DNMBP: variants seen among roughly 807,000 people sequenced by gnomAD.
DNMBP encodes dynamin binding protein.
In DNMBP, 87 loss-of-function variants were observed where a neutral mutation model predicts 150.0. The observed-to-expected ratio is 0.58, with a 90% CI of 0.49 to 0.69. The LOEUF is 0.69. DNMBP is among the 30% of genes least tolerant of loss of function. The probability of loss-of-function intolerance (pLI) is 0.00; values close to 1 mark genes in which losing one functional copy is unlikely to be tolerated. For synonymous variants in DNMBP, 711 were observed against 750.4 expected (o/e 0.95, Z 0.86); for missense variants, 1,774 against 1,949.0 (o/e 0.91, Z 1.69).
Position 99,955,629 on chromosome 10 carries a change from G to A in DNMBP, c.1845C>T (p.Pro615=). 2 of 1,614,110 alleles carry A rather than the reference G, an allele frequency of 1.2e-6. No homozygotes were observed. Among genetic ancestry groups the A allele is most frequent in the East Asian group, 2.2e-5 (1 of 44,904 alleles). The change falls in exon 4 of 17, where the codon CCC becomes CCT. Residue 615 remains proline, a synonymous_variant. Transcript: ENST00000324109. ...RKALRPPPPR[P]CTPVSTSPHL... is the part of the protein sequence containing the mutation. ...GGGGAGAAGTGGATACCGGAGTACA[G>A]GGACGAGGTGGCGGTGGCCTTAGGG...
chr10:99,878,732 C>T (rs1197377789), intron 16 of DNMBP, among the ~76,000 whole-genome samples: 1 of 152,154 alleles, frequency 6.6e-6, no homozygotes, highest in African/African-American at 2.4e-5. Flanking sequence ...TGACAGTCAA[C>T]ACAGGAAGAT....
chr10:99,989,192 C>T (rs902369115), intron 1 of DNMBP, among the ~76,000 whole-genome samples: 1 of 152,172 alleles, frequency 6.6e-6, no homozygotes, highest in Non-Finnish European at 1.5e-5. Context: ...CATATCCATA[C>T]CCTTTACTGT....
chr10:99,881,099 G>A (rs903126582), intron 15 of DNMBP, among the ~76,000 whole-genome samples: 3 of 152,104 alleles, frequency 2.0e-5, no homozygotes, highest in Middle Eastern at 3.4e-3. Flanking sequence ...GTGGTGGTGC[G>A]CACCTGTAAT....
intron 4 of DNMBP, among the ~76,000 whole-genome samples, chr10:99,947,389 A>G (rs1164563046): frequency 6.6e-6 from 1 of 152,214 alleles, no homozygotes; most frequent in Non-Finnish European, 1.5e-5. Flanking sequence ...CACAAAATAG[A>G]ATGAAATCAT....
intron 4 of DNMBP, among the ~76,000 whole-genome samples, chr10:99,926,817 G>A (rs1370425291): frequency 1.3e-5 from 2 of 152,174 alleles, no homozygotes; most frequent in Non-Finnish European, 2.9e-5. Context: ...CCAGCAGATA[G>A]ATCTTCACCA....
chr10:99,956,547 C>T lies in DNMBP; in HGVS notation c.927G>A (p.Met309Ile), dbSNP rs1589438056. 6.2e-7 allele frequency: 1 copy of T among 1,614,130 alleles called. No homozygotes were observed. The highest frequency in any genetic ancestry group is 2.2e-5 in the East Asian group (1 of 44,882). The change falls in exon 4 of 17, where the codon ATG becomes ATA. Residue 309 changes from methionine (M) to isoleucine (I), a missense_variant. Around this residue, in one of 2 missense-constraint regions of DNMBP, gnomAD observed 344 missense variants for 456.6 expected, o/e 0.75. Coordinates refer to ENST00000324109, the MANE Select transcript of DNMBP (RefSeq NM_015221.4). ...LCPDTRVEET[M>I]ALPQEGSLAR... ...CAAGGCTGCCTTCCTGGGGCAGAGC[C>T]ATGGTTTCCTCCACCCGTGTGTCAG...
At position 99,896,281 on chromosome 10, in the gene DNMBP, C is replaced by T. The variant is rs375098371; in HGVS notation, c.3037G>A (p.Gly1013Ser). 2 of 1,613,982 alleles carry T rather than the reference C, an allele frequency of 1.2e-6. No homozygotes were observed. Among genetic ancestry groups the T allele is most frequent in the Non-Finnish European group, 1.7e-6 (2 of 1,180,010 alleles). ...RVSSHLKHLT[G>S]FAPQIKDEVF... ...GGGGATCTCACCTGAGGAGCAAAGC[C>T]AGTGAGATGCTTCAGGTGACTGCTA... is the stretch of plus-strand genomic sequence containing the variant. The change falls in exon 10 of 17, where the codon GGC (glycine) becomes AGC (serine). Residue 1013 changes from glycine (G) to serine (S), a missense_variant. Gly to Ser is a moderately conservative substitution (Grantham distance 56). Around this residue, in one of 2 missense-constraint regions of DNMBP, gnomAD observed 1,430 missense variants for 1,492.5 expected, o/e 0.96. Transcript: ENST00000324109.
intron 4 of DNMBP, among the ~76,000 whole-genome samples, chr10:99,914,318 C>T (rs1272121267): frequency 6.6e-6 from 1 of 152,210 alleles, no homozygotes; most frequent in Non-Finnish European, 1.5e-5. Context: ...TCCTTTTCTA[C>T]CCCATGCTAA....
chr10:99,993,621 G>T (rs2040921105), intron 1 of DNMBP, among the ~76,000 whole-genome samples: 1 of 152,088 alleles, frequency 6.6e-6, no homozygotes, highest in Non-Finnish European at 1.5e-5. Flanking sequence ...GGGCAACATA[G>T]TGAGACTGTC....
chr10:99,989,421 A>G (rs1405207216), intron 1 of DNMBP, among the ~76,000 whole-genome samples: 1 of 152,190 alleles, frequency 6.6e-6, no homozygotes, highest in African/African-American at 2.4e-5. Context: ...AAGAAAAAAC[A>G]GACTTGAGGC....
chr10:99,936,161 T>C (rs913276384), intron 4 of DNMBP, among the ~76,000 whole-genome samples: 1 of 151,974 alleles, frequency 6.6e-6, no homozygotes, highest in Non-Finnish European at 1.5e-5. Context: ...TATAAAACAA[T>C]TGATGATAAA....
intron 1 of DNMBP, among the ~76,000 whole-genome samples, chr10:99,973,083 T>G (rs2040695493): frequency 2.2e-5 from 1 of 46,202 alleles, no homozygotes; most frequent in African/African-American, 1.5e-4. Context: ...CCTGCGGCAT[T>G]TATTTATTTA....
intron 1 of DNMBP, among the ~76,000 whole-genome samples, chr10:100,002,907 A>G (rs1345838690): frequency 6.6e-6 from 1 of 152,248 alleles, no homozygotes; most frequent in Non-Finnish European, 1.5e-5. Context: ...AACCTAAAAC[A>G]AACATTATAT....
Position 99,883,638 on chromosome 10 carries a change from C to CAAAAAA in DNMBP, c.3997+367_3997+372dup, listed in dbSNP as rs71009782. 8.8e-3 allele frequency among the ~76,000 whole-genome samples: 574 copies of CAAAAAA among 65,534 alleles called. 30 individuals are homozygous for CAAAAAA. The highest frequency in any genetic ancestry group is 0.021 in the East Asian group (23 of 1,076). The allele number at this position is 65,534 out of a possible 152,430, so 43.0% of individuals were successfully genotyped here. A position where few individuals can be genotyped will look rare whatever the true frequency, so the allele number is the denominator to read the frequency against. ...CCTGGATAACAGAGCAAGACTGCCA[C>CAAAAAA]AAAAAAAAAAAAAAAAAAAAAAAAA... On this transcript the variant is annotated intron_variant, in intron 15 of 16. Coordinates refer to ENST00000324109, the MANE Select transcript of DNMBP (RefSeq NM_015221.4).
At chr10:99,900,409 T>G (rs1005449004) in intron 6 of DNMBP, among the ~76,000 whole-genome samples, 19 of 151,518 alleles carry the variant, frequency 1.3e-4, no homozygotes, top group African/African-American at 3.4e-4. Context: ...GGACCACGTG[T>G]GCATGCCACC....
At chr10:99,927,763 G>A (rs2040098430) in intron 4 of DNMBP, among the ~76,000 whole-genome samples, 1 of 152,202 alleles carries the variant, frequency 6.6e-6, no homozygotes, top group Non-Finnish European at 1.5e-5. Flanking sequence ...AAAGAGAGTT[G>A]TAGAAATGGA....
chr10:99,907,025 T>C (rs1430254086), intron 6 of DNMBP, among the ~76,000 whole-genome samples: 2 of 152,102 alleles, frequency 1.3e-5, no homozygotes, highest in Non-Finnish European at 2.9e-5. Context: ...AAAATAAAAG[T>C]TTCAGCCAGA....
At chr10:99,895,104 A>T in intron 10 of DNMBP, 54 bp from the exon 11 acceptor site, 2 of 984,828 alleles carry the variant, frequency 2.0e-6, no homozygotes. Flanking sequence ...CTTTAATCTT[A>T]CTGGCAAAAG....
intron 1 of DNMBP, among the ~76,000 whole-genome samples, chr10:99,988,721 G>T (rs2040854014): frequency 6.6e-6 from 1 of 152,026 alleles, no homozygotes; most frequent in South Asian, 2.1e-4. Context: ...GAGTGCAGTG[G>T]TTCAATCTTG....
Sources: allele counts gnomAD v4.1 joint callset (sites outside exome capture counted in the v4.1 genomes callset), GRCh38; gene constraint gnomAD v4.1.1; regional missense constraint gnomAD v4.1.1; transcripts MANE v1.5; gene names NCBI Gene and HGNC (gene_info 2026-07-23, HGNC 2026-07-21).